The following RUBCN variants were observed in gnomAD, a reference collection of about 807,000 sequenced individuals.
The protein encoded by RUBCN is rubicon autophagy regulator.
In RUBCN, 74 loss-of-function variants were observed where a neutral mutation model predicts 113.2. That is an observed-to-expected ratio of 0.65 (90% CI 0.54 to 0.79). RUBCN has a LOEUF of 0.79. Ranked by LOEUF, RUBCN falls within the 30% of genes least tolerant of loss-of-function variation. RUBCN has a pLI of 0.00. For synonymous variants in RUBCN, 480 were observed against 490.0 expected (o/e 0.98, Z 0.27); for missense variants, 1,109 against 1,251.7 (o/e 0.89, Z 1.72).
chr3:197,678,151 C>T (rs1314164352), intron 16 of RUBCN, among the ~76,000 whole-genome samples: 2 of 128,070 alleles, frequency 1.6e-5, no homozygotes, highest in Non-Finnish European at 3.1e-5. Context: ...CAGACTGTCC[C>T]ACACTCTGAC....
At chr3:197,731,688 T>C (rs1352808475) in intron 1 of RUBCN, among the ~76,000 whole-genome samples, 7 of 149,578 alleles carry the variant, frequency 4.7e-5, no homozygotes, top group Non-Finnish European at 7.4e-5. Flanking sequence ...CACTTCCCAG[T>C]AGGGGCAGCC....
chr3:197,709,860 GA>G (rs1306145614), intron 2 of RUBCN, among the ~76,000 whole-genome samples: 1 of 151,980 alleles, frequency 6.6e-6, no homozygotes, highest in Non-Finnish European at 1.5e-5. Context: ...AAAACCATGG[GA>G]AAACACTCTT....
intron 5 of RUBCN, among the ~76,000 whole-genome samples, chr3:197,703,194 C>T (rs779339055): frequency 1.3e-5 from 2 of 151,642 alleles, no homozygotes; most frequent in Non-Finnish European, 2.9e-5. Context: ...GTCAGGAGAT[C>T]GAGACCGTCC....
At position 197,674,799 on chromosome 3, in the gene RUBCN, T is replaced by G; in HGVS notation, c.*219A>C. On this transcript the variant is annotated 3_prime_UTR_variant, in exon 20 of 20. Coordinates refer to ENST00000296343, the MANE Select transcript of RUBCN (RefSeq NM_014687.4). ...TCAGTTCTGATGGAAACACCTGGTGTTTACAAATTATCTGTCACCACAGAC... is the reference window on the plus strand; with the variant it reads ...TCAGTTCTGATGGAAACACCTGGTGGTTACAAATTATCTGTCACCACAGAC... 1.9e-6 allele frequency: 1 copy of G among 536,094 alleles called. No homozygotes were observed. The highest frequency in any genetic ancestry group is 3.3e-6 in the Non-Finnish European group (1 of 307,326). The allele number at this position is 536,094 out of a possible 1,614,324, so 33.2% of individuals were successfully genotyped here.
chr3:197,738,672 A>G (rs972738031), upstream of RUBCN, among the ~76,000 whole-genome samples: 1 of 151,948 alleles, frequency 6.6e-6, no homozygotes, highest in Admixed American at 6.6e-5. Flanking sequence ...TGCAGCCTCA[A>G]CCTCCTCAAG....
chr3:197,729,313 C>T (rs1180235138), intron 1 of RUBCN, among the ~76,000 whole-genome samples: 2 of 151,916 alleles, frequency 1.3e-5, no homozygotes, highest in Admixed American at 1.3e-4. Context: ...AGTGCAGCGG[C>T]GCGATCTCGG....
chr3:197,723,230 A>C (rs1241397809), intron 1 of RUBCN, among the ~76,000 whole-genome samples: 1 of 152,086 alleles, frequency 6.6e-6, no homozygotes, highest in Non-Finnish European at 1.5e-5. Flanking sequence ...CCCAGGCAGG[A>C]CTGCAGTAGC....
rs1021736537 is a variant in RUBCN, at chr3:197,672,356, A to G, written c.*2662T>C. 4 of 152,206 alleles carry G rather than the reference A, an allele frequency of 2.6e-5. No individual in the cohort carries two copies. The highest frequency in any genetic ancestry group is 7.2e-5 in the African/African-American group (3 of 41,456). 9.4% of individuals were successfully genotyped at this position (152,206 alleles called of 1,614,324 possible). A position where few individuals can be genotyped will look rare whatever the true frequency, so the allele number is the denominator to read the frequency against. On this transcript the variant is annotated 3_prime_UTR_variant, in exon 20 of 20. Coordinates refer to ENST00000296343, the MANE Select transcript of RUBCN (RefSeq NM_014687.4). ...TGCATTCAAAGCTTCTCCCCGCAAC[A>G]GCAGGGGATTTTCAGATAGTGGTAA...
At chr3:197,749,566 G>T (rs1306466134) in exon 1 of RUBCN, 2 of 1,291,336 alleles carry the variant, frequency 1.5e-6, no homozygotes, top group Non-Finnish European at 2.0e-6. Context: ...AGGCTCGTGT[G>T]TACCGAAGTA....
chr3:197,670,046 G>A lies in RUBCN; in HGVS notation c.*4972C>T, dbSNP rs1719640112. Reference sequence around the variant, plus strand: ...TGGGATTACAGGCGCCCGCCATCATGCCCAACTAGCTTTTGTATTTTTAGT... The same window carrying A: ...TGGGATTACAGGCGCCCGCCATCATACCCAACTAGCTTTTGTATTTTTAGT... On this transcript the variant is annotated 3_prime_UTR_variant, in exon 20 of 20. Coordinates refer to ENST00000296343, the MANE Select transcript of RUBCN (RefSeq NM_014687.4). 1.3e-5 allele frequency among the ~76,000 whole-genome samples: 2 copies of A among 152,134 alleles called. No homozygotes were observed. Among genetic ancestry groups the A allele is most frequent in the Non-Finnish European group, 1.5e-5 (1 of 68,030 alleles).
intron 1 of RUBCN, among the ~76,000 whole-genome samples, chr3:197,729,645 G>A (rs1229581842): frequency 3.3e-5 from 5 of 152,256 alleles, no homozygotes; most frequent in African/African-American, 9.6e-5. Context: ...TGCAACCTCC[G>A]CCTACCAGGT....
chr3:197,702,690 A>G (rs1230362476), intron 5 of RUBCN, among the ~76,000 whole-genome samples: 1 of 152,116 alleles, frequency 6.6e-6, no homozygotes, highest in African/African-American at 2.4e-5. Context: ...AATGATAATA[A>G]TTAATTAAAA....
intron 5 of RUBCN, among the ~76,000 whole-genome samples, chr3:197,703,146 C>A (rs1723869454): frequency 6.6e-6 from 1 of 151,968 alleles, no homozygotes; most frequent in Non-Finnish European, 1.5e-5. Flanking sequence ...GGCCTCTAAT[C>A]CCAGCACTTT....
intron 1 of RUBCN, among the ~76,000 whole-genome samples, chr3:197,729,444 G>A (rs987677414): frequency 5.3e-5 from 8 of 152,024 alleles, no homozygotes; most frequent in Admixed American, 2.0e-4. Flanking sequence ...TAGTAGAGAC[G>A]GGGTTTCACC....
rs1276249472 is a variant in RUBCN, at chr3:197,669,029, T to G, written c.*5989A>C. ...TTTTCTAACCATATTTTTGCATAACTGTAATTATGATGTACATATGCTTTT... is the reference window on the plus strand; with the variant it reads ...TTTTCTAACCATATTTTTGCATAACGGTAATTATGATGTACATATGCTTTT... On this transcript the variant is annotated 3_prime_UTR_variant, in exon 20 of 20. Transcript: ENST00000296343. 6.6e-6 allele frequency among the ~76,000 whole-genome samples: 1 copy of G among 152,224 alleles called. No homozygotes were observed. Among genetic ancestry groups the G allele is most frequent in the East Asian group, 1.9e-4 (1 of 5,202 alleles).
At chr3:197,692,831 C>A (rs373697503) in intron 11 of RUBCN, among the ~76,000 whole-genome samples, 28 of 152,148 alleles carry the variant, frequency 1.8e-4, no homozygotes, top group Non-Finnish European at 3.2e-4. Flanking sequence ...CCTGTGCAGG[C>A]GAATGGGCTC....
chr3:197,734,547 A>T (rs987131693), intron 1 of RUBCN, among the ~76,000 whole-genome samples: 2 of 152,192 alleles, frequency 1.3e-5, no homozygotes, highest in South Asian at 4.1e-4. Flanking sequence ...ACACAGCAAT[A>T]ACAGTAGTAC....
In RUBCN at chr3:197,674,522, TCTC is replaced by T; in HGVS notation, c.*493_*495del. 1.9e-6 allele frequency: 1 copy of T among 513,956 alleles called. No homozygotes were observed. The highest frequency in any genetic ancestry group is 1.4e-5 in the South Asian group (1 of 69,058). The allele number at this position is 513,956 out of a possible 1,614,324, so 31.8% of individuals were successfully genotyped here. A position where few individuals can be genotyped will look rare whatever the true frequency, so the allele number is the denominator to read the frequency against. On this transcript the variant is annotated 3_prime_UTR_variant, in exon 20 of 20. Transcript: ENST00000296343. ...TGACGTAGTCCTATTCTCTGCTGCT[TCTC>T]CTCGGGGCACAGTCTGACCCCAGTC...
chr3:197,747,550 G>A (rs954884130), intron 1 of RUBCN, among the ~76,000 whole-genome samples: 2 of 151,906 alleles, frequency 1.3e-5, no homozygotes, highest in African/African-American at 4.8e-5. Context: ...GTGGTAGGGA[G>A]GATTTTATAC....
Sources: allele counts gnomAD v4.1 joint callset (sites outside exome capture counted in the v4.1 genomes callset), GRCh38; gene constraint gnomAD v4.1.1; transcripts MANE v1.5; gene names NCBI Gene and HGNC (gene_info 2026-07-23, HGNC 2026-07-21).